Variants in FER observed in about 807,000 individuals in gnomAD.
FER encodes the protein FER tyrosine kinase, also known as tyrosine-protein kinase Fer.
A neutral mutation model predicts 111.0 loss-of-function variants in FER; 63 were observed. The observed-to-expected ratio is 0.57, with a 90% confidence interval of 0.46 to 0.70. The LOEUF is 0.70. FER is among the 30% of genes least tolerant of loss of function. The probability of loss-of-function intolerance (pLI) is 0.00; values close to 1 mark genes in which losing one functional copy is unlikely to be tolerated. For missense variants in FER, 914 were observed against 954.0 expected (o/e 0.96, Z 0.55); for synonymous variants, 327 against 313.9 (o/e 1.04, Z -0.44).
At chr5:109,117,588 T>C (rs10477947) in intron 17 of FER, among the ~76,000 whole-genome samples, 28,750 of 151,816 alleles carry the variant, frequency 0.19, 2,815 homozygotes, top group Non-Finnish European at 0.22. Flanking sequence ...AATCTATAAA[T>C]TACCTTGGAC....
At chr5:109,003,496 T>A (rs1291937723) in intron 13 of FER, among the ~76,000 whole-genome samples, 1 of 152,002 alleles carries the variant, frequency 6.6e-6, no homozygotes, top group Non-Finnish European at 1.5e-5. Context: ...GGGATAGCAA[T>A]TGGAGATATA....
At chr5:108,758,154 A>C (rs932109495) in intron 1 of FER, among the ~76,000 whole-genome samples, 10 of 152,182 alleles carry the variant, frequency 6.6e-5, no homozygotes, top group Non-Finnish European at 1.5e-4. Context: ...AAGGGATGTG[A>C]TTCTTCCATT....
chr5:109,097,472 G>T (rs1024399122), intron 16 of FER, among the ~76,000 whole-genome samples: 1 of 151,862 alleles, frequency 6.6e-6, no homozygotes. Context: ...GATACTGTAT[G>T]CTATATGTAT....
chr5:108,752,229 CT>C (rs1215513053), intron 1 of FER, among the ~76,000 whole-genome samples: 1 of 151,880 alleles, frequency 6.6e-6, no homozygotes, highest in African/African-American at 2.4e-5. Context: ...TCCTCCTTCC[CT>C]TTTTTTACTC....
intron 2 of FER, among the ~76,000 whole-genome samples, chr5:108,788,534 C>CTT (rs111580201): frequency 0.23 from 34,152 of 146,072 alleles, 4,117 homozygotes; most frequent in African/African-American, 0.3. Flanking sequence ...ACACTAATAT[C>CTT]TTTTTTTTTT....
At chr5:108,974,667 A>C (rs1761102452) in intron 13 of FER, among the ~76,000 whole-genome samples, 1 of 152,248 alleles carries the variant, frequency 6.6e-6, no homozygotes, top group Non-Finnish European at 1.5e-5. Context: ...GATTATCCAC[A>C]TGGACCTCTT....
chr5:109,062,778 A>T (rs922447701), intron 16 of FER, among the ~76,000 whole-genome samples: 1 of 152,140 alleles, frequency 6.6e-6, no homozygotes, highest in Non-Finnish European at 1.5e-5. Context: ...GGGATTAGTA[A>T]CTACTCCCTT....
chr5:109,007,776 T>C (rs1021974999), intron 13 of FER, among the ~76,000 whole-genome samples: 4 of 152,218 alleles, frequency 2.6e-5, no homozygotes, highest in African/African-American at 7.2e-5. Context: ...TATATACTTA[T>C]GAATGAGATT....
At chr5:108,964,778 G>A (rs1046529116) in intron 13 of FER, among the ~76,000 whole-genome samples, 4 of 152,070 alleles carry the variant, frequency 2.6e-5, no homozygotes, top group Admixed American at 6.6e-5. Context: ...AATTTCAAGG[G>A]AGTATATTTA....
intron 18 of FER, among the ~76,000 whole-genome samples, chr5:109,182,190 G>C (rs79407918): frequency 9.5e-4 from 144 of 152,276 alleles, no homozygotes; most frequent in Non-Finnish European, 1.1e-3. Context: ...TATACTAGAA[G>C]TCATATGGTA....
intron 16 of FER, among the ~76,000 whole-genome samples, chr5:109,073,987 C>T (rs928994950): frequency 5.3e-5 from 8 of 151,916 alleles, no homozygotes; most frequent in Admixed American, 2.0e-4. Context: ...ACTTTTCTTT[C>T]GTATCTTATA....
chr5:109,025,248 A>G (rs1342752071), intron 13 of FER, among the ~76,000 whole-genome samples: 3 of 152,032 alleles, frequency 2.0e-5, no homozygotes, highest in South Asian at 2.1e-4. Context: ...CTTCCTACCC[A>G]TGAACATGGA....
chr5:109,009,935 C>T (rs933961761), intron 13 of FER, among the ~76,000 whole-genome samples: 2 of 152,124 alleles, frequency 1.3e-5, no homozygotes, highest in African/African-American at 4.8e-5. Flanking sequence ...CTCTTCAGGT[C>T]TAAATTTTGT....
intron 8 of FER, among the ~76,000 whole-genome samples, chr5:108,876,644 A>G (rs1310785455): frequency 6.6e-6 from 1 of 152,220 alleles, no homozygotes; most frequent in Non-Finnish European, 1.5e-5. Flanking sequence ...ATGCAATTGC[A>G]CCATGCCTGC....
At chr5:108,795,639 T>C (rs536774755) in intron 2 of FER, among the ~76,000 whole-genome samples, 1 of 152,150 alleles carries the variant, frequency 6.6e-6, no homozygotes, top group Non-Finnish European at 1.5e-5. Context: ...TCGATTCTGA[T>C]ATTAAGAGAC....
rs1437423041 is a variant in FER, at chr5:109,139,556, GT to G, written c.2048+39040del. ...AAGAGAGCATTTTTAAGAAAATATA[GT>G]TTGACTATGACTTCATTTTCAGATG... On this transcript the variant is annotated intron_variant, in intron 17 of 19. Coordinates refer to ENST00000281092, the MANE Select transcript of FER (RefSeq NM_005246.4). 2.0e-5 allele frequency among the ~76,000 whole-genome samples: 3 copies of G among 151,952 alleles called. No individual in the cohort carries two copies. The East Asian group carries it at 5.8e-4, about 29-fold the overall frequency.
intron 9 of FER, among the ~76,000 whole-genome samples, chr5:108,894,092 G>C (rs1748653398): frequency 6.6e-6 from 1 of 151,836 alleles, no homozygotes; most frequent in African/African-American, 2.4e-5. Context: ...ACCATCTCCA[G>C]GGAAGTAGCA....
At chr5:108,783,275 C>A (rs1327818384) in intron 2 of FER, among the ~76,000 whole-genome samples, 3 of 152,084 alleles carry the variant, frequency 2.0e-5, no homozygotes, top group Non-Finnish European at 4.4e-5. Flanking sequence ...TTTGTTATTG[C>A]ATTTCTTAGT....
At chr5:109,077,728 C>G (rs1012139612) in intron 16 of FER, among the ~76,000 whole-genome samples, 1 of 152,124 alleles carries the variant, frequency 6.6e-6, no homozygotes, top group Non-Finnish European at 1.5e-5. Context: ...TATCATTTGT[C>G]TCACTAATAA....
Sources: allele counts gnomAD v4.1 joint callset (sites outside exome capture counted in the v4.1 genomes callset), GRCh38; gene constraint gnomAD v4.1.1; transcripts MANE v1.5; gene names NCBI Gene and HGNC (gene_info 2026-07-23, HGNC 2026-07-21).